The following NRSN1 variants were observed in gnomAD, a reference collection of about 807,000 sequenced individuals.
NRSN1 encodes the protein neurensin 1.
In NRSN1, 14 loss-of-function variants were observed where a neutral mutation model predicts 17.3. The observed-to-expected ratio is 0.81, with a 90% CI of 0.54 to 1.27. The LOEUF (loss-of-function observed/expected upper bound fraction) is 1.27, where lower values mean the gene tolerates loss of function less well. NRSN1 is among the 50% of genes most tolerant of loss of function. The pLI, the probability that NRSN1 is intolerant of heterozygous loss-of-function variation, is 0.00. For synonymous variants in NRSN1, 79 were observed against 94.2 expected, an observed-to-expected ratio of 0.84 and a Z score of 0.93; for missense variants, 209 against 235.9, an observed-to-expected ratio of 0.89 and a Z score of 0.75.
At chr6:24,135,465 G>A (rs1182232977) in intron 3 of NRSN1, among the ~76,000 whole-genome samples, 1 of 152,132 alleles carries the variant, frequency 6.6e-6, no homozygotes, top group Non-Finnish European at 1.5e-5. Context: ...GACAGGCAAT[G>A]AATTAAGAAA....
intron 1 of NRSN1, among the ~76,000 whole-genome samples, chr6:24,127,379 T>A (rs1044926943): frequency 3.3e-5 from 5 of 152,194 alleles, no homozygotes; most frequent in African/African-American, 9.7e-5. Flanking sequence ...TCACCTCAAG[T>A]CTTCAGGTTC....
At chr6:24,128,380 A>T (rs932057706) in intron 2 of NRSN1, among the ~76,000 whole-genome samples, 180 bp downstream of exon 2, 2 of 152,248 alleles carry the variant, frequency 1.3e-5, no homozygotes, top group African/African-American at 4.8e-5. Flanking sequence ...ATAATCTTAC[A>T]TTGTTACTCC....
chr6:24,141,405 T>C (rs16888714), intron 3 of NRSN1: 4,284 of 357,522 alleles, frequency 0.012, 152 homozygotes, highest in African/African-American at 0.076. Context: ...GACTCCTTCG[T>C]ACCTATCATC....
chr6:24,145,063 C>A lies in NRSN1; in HGVS notation c.190-485C>A, dbSNP rs1323691530. The stretch of plus-strand genomic sequence containing the variant: ...GATATATATTATATATAATATATAT[C>A]TTTAGGTATATAATATATATTATAT... On this transcript the variant is annotated intron_variant, in intron 3 of 3. Coordinates refer to ENST00000378491, the MANE Select transcript of NRSN1 (RefSeq NM_080723.5). The surrounding 1 kb of genome is among the most constrained non-coding windows in gnomAD (Gnocchi z 4.4). 2.9e-5 allele frequency among the ~76,000 whole-genome samples: 4 copies of A among 139,692 alleles called. No individual in the cohort carries two copies. The highest frequency in any genetic ancestry group is 5.3e-5 in the African/African-American group (2 of 37,878). 91.6% of individuals were successfully genotyped at this position (139,692 alleles called of 152,430 possible).
Position 24,145,674 on chromosome 6 carries a change from G to A in NRSN1, c.316G>A (p.Val106Ile). 1.2e-6 allele frequency: 2 copies of A among 1,614,156 alleles called. No individual in the cohort carries two copies. Among genetic ancestry groups the A allele is most frequent in the Non-Finnish European group, 1.7e-6 (2 of 1,180,020 alleles). The change falls in exon 4 of 4, where the codon GTC becomes ATC. Residue 106 changes from valine (V) to isoleucine (I), a missense_variant. Physicochemically the swap from Val to Ile is conservative, Grantham distance 29 (BLOSUM62 3). Transcript: ENST00000378491. This position sits in a 1 kb window ranked among gnomAD's most constrained non-coding sequence, Gnocchi z 4.4. ...TTTTGTGGTGGTCGACACACATGCT[G>A]TCCAGTTTAACAGTGCTCTGGACAT... ...ADFVVVDTHA[V>I]QFNSALDMYK...
intron 2 of NRSN1, among the ~76,000 whole-genome samples, chr6:24,131,293 T>C (rs572524509): frequency 3.2e-4 from 49 of 152,326 alleles, no homozygotes; most frequent in African/African-American, 1.1e-3. Flanking sequence ...GTTCAGGGAA[T>C]GGCTGTAATA....
At chr6:24,133,281 C>T (rs893224796) in intron 2 of NRSN1, among the ~76,000 whole-genome samples, 2 of 152,312 alleles carry the variant, frequency 1.3e-5, no homozygotes, top group Admixed American at 1.3e-4. Flanking sequence ...CCCACATGGA[C>T]AGATGTATCC....
chr6:24,132,359 C>A (rs1273733229), intron 2 of NRSN1, among the ~76,000 whole-genome samples: 1 of 152,136 alleles, frequency 6.6e-6, no homozygotes, highest in Non-Finnish European at 1.5e-5. Context: ...CGATATTTTT[C>A]TTTTGTAGAT....
At chr6:24,141,871 A>G (rs1049028632) in intron 3 of NRSN1, among the ~76,000 whole-genome samples, 2 of 152,164 alleles carry the variant, frequency 1.3e-5, no homozygotes, top group East Asian at 3.9e-4. Flanking sequence ...ACAGACACAC[A>G]CTGGTCTCAC....
intron 2 of NRSN1, 113 bp from the exon 3 acceptor site, chr6:24,134,206 G>A (rs1407949746): frequency 1.7e-5 from 14 of 837,132 alleles, no homozygotes; most frequent in Non-Finnish European, 2.6e-5. Context: ...GTAATGAAAA[G>A]AGCATTGTTC....
intron 3 of NRSN1, among the ~76,000 whole-genome samples, chr6:24,142,149 A>G (rs1581552576): frequency 7.3e-6 from 1 of 136,136 alleles, no homozygotes; most frequent in East Asian, 2.3e-4. Flanking sequence ...TATATTTTAC[A>G]GCCCAATTTT....
Position 24,126,345 on chromosome 6 carries a change from G to A in NRSN1, c.-83+5G>A. 1 of 160,982 alleles carries A rather than the reference G, an allele frequency of 6.2e-6. No homozygotes were observed. The highest frequency in any genetic ancestry group is 1.4e-5 in the Non-Finnish European group (1 of 73,618). The allele number at this position is 160,982 out of a possible 1,614,324, so 10.0% of individuals were successfully genotyped here. A position where few individuals can be genotyped will look rare whatever the true frequency, so the allele number is the denominator to read the frequency against. ...CGGGTCAGGGGATCGGAGGGGGTAG[G>A]TAAAGCCACGCAGAGTCCAGGGGTG... is the stretch of plus-strand genomic sequence containing the variant. On this transcript the variant is annotated splice_donor_5th_base_variant and intron_variant, in intron 1 of 3. Transcript: ENST00000378491.
intron 2 of NRSN1, among the ~76,000 whole-genome samples, chr6:24,132,666 C>G (rs1017575265): frequency 6.6e-6 from 1 of 152,218 alleles, no homozygotes; most frequent in Admixed American, 6.5e-5. Flanking sequence ...TTTTATATTT[C>G]TTTTATTATT....
intron 3 of NRSN1, among the ~76,000 whole-genome samples, chr6:24,142,742 G>A (rs1382911015): frequency 6.6e-5 from 10 of 152,198 alleles, no homozygotes; most frequent in Non-Finnish European, 1.3e-4. Context: ...TGAGGCCGCA[G>A]ACCCTGGCAG....
intron 3 of NRSN1, among the ~76,000 whole-genome samples, chr6:24,142,091 T>C (rs1270147711): frequency 6.6e-6 from 1 of 151,800 alleles, no homozygotes; most frequent in Non-Finnish European, 1.5e-5. Flanking sequence ...GGAAGGTAAA[T>C]GTACTTGCCA....
chr6:24,145,495 G>T lies in NRSN1; in HGVS notation c.190-53G>T. ...GTGCTGCCCTTGAGGGCTCAGGGGCGAGCCGAAGCACCTTCCTCACTCTAT... is the reference window on the plus strand; with the variant it reads ...GTGCTGCCCTTGAGGGCTCAGGGGCTAGCCGAAGCACCTTCCTCACTCTAT... On this transcript the variant is annotated intron_variant, in intron 3 of 3. Transcript: ENST00000378491. This position sits in a 1 kb window ranked among gnomAD's most constrained non-coding sequence, Gnocchi z 4.4. 1 of 1,435,846 alleles carries T rather than the reference G, an allele frequency of 7.0e-7. No homozygotes were observed. Among genetic ancestry groups the T allele is most frequent in the Non-Finnish European group, 9.4e-7 (1 of 1,067,344 alleles). The allele number at this position is 1,435,846 out of a possible 1,614,324, so 88.9% of individuals were successfully genotyped here. A position where few individuals can be genotyped will look rare whatever the true frequency, so the allele number is the denominator to read the frequency against.
At chr6:24,137,085 C>A (rs1448235468) in intron 3 of NRSN1, among the ~76,000 whole-genome samples, 12 of 152,158 alleles carry the variant, frequency 7.9e-5, no homozygotes, top group African/African-American at 2.9e-4. Flanking sequence ...GTAGGTGGTT[C>A]AAATTGCTGG....
At chr6:24,143,037 A>C (rs984373668) in intron 3 of NRSN1, among the ~76,000 whole-genome samples, 6 of 152,062 alleles carry the variant, frequency 3.9e-5, no homozygotes, top group Non-Finnish European at 8.8e-5. Flanking sequence ...TTTTTTACAG[A>C]GTGCTGATTG....
chr6:24,131,597 T>C lies in NRSN1; in HGVS notation c.-9-2722T>C, dbSNP rs181082758. On this transcript the variant is annotated intron_variant, in intron 2 of 3. Coordinates refer to ENST00000378491, the MANE Select transcript of NRSN1 (RefSeq NM_080723.5). ...GACTCATGGTGTAACCTTTAGTAGA[T>C]GATTTTTCTATGCCTCAGTTTCCTA... 4.1e-3 allele frequency among the ~76,000 whole-genome samples: 631 copies of C among 152,296 alleles called. 15 individuals are homozygous for C. Among genetic ancestry groups the C allele is most frequent in the Admixed American group, 2.2e-3 (34 of 15,296 alleles).
Sources: gnomAD v4.1 joint callset for allele counts (sites outside exome capture counted in the v4.1 genomes callset) on GRCh38, gnomAD v4.1.1 for gene constraint, Gnocchi (gnomAD v3.1) non-coding constraint, MANE v1.5 for transcripts, NCBI Gene and HGNC (gene_info 2026-07-23, HGNC 2026-07-21) for gene names.